CSMD3: variants seen among roughly 807,000 people sequenced by gnomAD.
The protein encoded by CSMD3 is CUB and sushi domain-containing protein 3.
CSMD3 carries 177 observed loss-of-function variants against 435.2 expected under a neutral mutation model. The observed-to-expected ratio is 0.41, with a 90% confidence interval of 0.36 to 0.46. The LOEUF is 0.46. Among genes scored for constraint, CSMD3 ranks in the 20% least tolerant of loss-of-function variants. The pLI is 0.34. For missense variants in CSMD3, 4,265 were observed against 4,504.6 expected, an observed-to-expected ratio of 0.95 and a Z score of 1.52; for synonymous variants, 1,656 against 1,520.5, an observed-to-expected ratio of 1.09 and a Z score of -2.07.
At chr8:112,476,338 G>A (rs1419151794) in intron 31 of CSMD3, among the ~76,000 whole-genome samples, 3 of 152,064 alleles carry the variant, frequency 2.0e-5, no homozygotes, top group Non-Finnish European at 4.4e-5. Flanking sequence ...GAGCCACCAC[G>A]CCCGGCCTAA....
chr8:113,164,331 T>C (rs1281907920), intron 4 of CSMD3, among the ~76,000 whole-genome samples: 2 of 151,598 alleles, frequency 1.3e-5, no homozygotes, highest in African/African-American at 2.4e-5. Flanking sequence ...CAAGTGGCCT[T>C]AATAATTTAG....
At chr8:112,898,270 G>A (rs1261830712) in intron 10 of CSMD3, among the ~76,000 whole-genome samples, 1 of 151,130 alleles carries the variant, frequency 6.6e-6, no homozygotes, top group African/African-American at 2.4e-5. Context: ...TCTTATGCCT[G>A]AATAATTCAG....
chr8:112,689,777 G>T, intron 14 of CSMD3, 91 bp downstream of exon 14: 1 of 1,085,248 alleles, frequency 9.2e-7, no homozygotes, highest in Non-Finnish European at 1.4e-6. Flanking sequence ...ATAATTACAC[G>T]GTTGCAGCTC....
At chr8:113,306,345 A>T (rs551254609) in intron 2 of CSMD3, among the ~76,000 whole-genome samples, 89 of 152,168 alleles carry the variant, frequency 5.8e-4, no homozygotes, top group African/African-American at 2.0e-3. Context: ...AGCTAATTGG[A>T]TTGAGTTATA....
At chr8:112,511,876 A>G (rs557735710) in intron 28 of CSMD3, among the ~76,000 whole-genome samples, 92 of 152,298 alleles carry the variant, frequency 6.0e-4, no homozygotes, top group Admixed American at 1.2e-3. Context: ...CATTTCAACA[A>G]TGTTCACAGC....
At chr8:112,566,565 C>T (rs956824746) in intron 24 of CSMD3, among the ~76,000 whole-genome samples, 7 of 151,978 alleles carry the variant, frequency 4.6e-5, no homozygotes, top group African/African-American at 7.2e-5. Flanking sequence ...TAATGAAAAG[C>T]GGCCACCAAA....
intron 1 of CSMD3, among the ~76,000 whole-genome samples, chr8:113,415,084 G>A (rs906086613): frequency 3.9e-5 from 6 of 152,212 alleles, no homozygotes; most frequent in African/African-American, 9.6e-5. Context: ...AAAAAATACC[G>A]AAGAAGCTAT....
intron 5 of CSMD3, among the ~76,000 whole-genome samples, chr8:113,097,608 C>T (rs1462987401): frequency 6.6e-6 from 1 of 151,922 alleles, no homozygotes; most frequent in African/African-American, 2.4e-5. Context: ...AACTAAATAC[C>T]AGTGTTGTGC....
At chr8:113,368,269 G>A (rs1054173733) in intron 1 of CSMD3, among the ~76,000 whole-genome samples, 2 of 152,164 alleles carry the variant, frequency 1.3e-5, no homozygotes, top group East Asian at 1.9e-4. Context: ...ACTCCCATGC[G>A]ATGTCAACCT....
intron 22 of CSMD3, among the ~76,000 whole-genome samples, chr8:112,615,167 A>G (rs116577051): frequency 0.021 from 3,216 of 152,240 alleles, 122 homozygotes; most frequent in African/African-American, 0.072. Flanking sequence ...TTGGAAAGTA[A>G]TAAAATCTCC....
intron 13 of CSMD3, among the ~76,000 whole-genome samples, chr8:112,709,299 G>C (rs79181937): frequency 6.6e-6 from 1 of 151,910 alleles, no homozygotes; most frequent in African/African-American, 2.4e-5. Context: ...TAACCAGTAC[G>C]ACTTTTATAT....
At chr8:113,119,113 C>T (rs2090916880) in intron 4 of CSMD3, among the ~76,000 whole-genome samples, 1 of 152,120 alleles carries the variant, frequency 6.6e-6, no homozygotes, top group Non-Finnish European at 1.5e-5. Context: ...AATAGGCTAC[C>T]TCTCACTCTG....
intron 13 of CSMD3, among the ~76,000 whole-genome samples, chr8:112,783,481 G>GGAAT (rs2078452245): frequency 9.5e-6 from 1 of 105,052 alleles, no homozygotes; most frequent in Non-Finnish European, 2.0e-5. Context: ...AAGGAAGGAA[G>GGAAT]GGAGAGAAGG....
At chr8:112,311,423 G>A (rs1821967478) in intron 49 of CSMD3, among the ~76,000 whole-genome samples, 1 of 152,154 alleles carries the variant, frequency 6.6e-6, no homozygotes. Flanking sequence ...GAATTGAAAT[G>A]TATTTTCTTA....
chr8:113,333,310 T>A (rs2094042488), intron 1 of CSMD3, among the ~76,000 whole-genome samples: 1 of 151,828 alleles, frequency 6.6e-6, no homozygotes, highest in African/African-American at 2.4e-5. Context: ...CACTTTGTCC[T>A]GTTATGGATC....
chr8:113,163,708 T>C (rs1017920907), intron 4 of CSMD3, among the ~76,000 whole-genome samples: 5 of 152,098 alleles, frequency 3.3e-5, no homozygotes, highest in African/African-American at 1.2e-4. Flanking sequence ...TGAAAATATA[T>C]AAAAATTGGG....
intron 15 of CSMD3, among the ~76,000 whole-genome samples, chr8:112,684,430 C>T (rs2075968516): frequency 6.6e-6 from 1 of 151,972 alleles, no homozygotes; most frequent in Non-Finnish European, 1.5e-5. Flanking sequence ...GTGTGAAATT[C>T]TTTTTATAAA....
At chr8:112,651,654 C>A (rs187787025) in intron 18 of CSMD3, among the ~76,000 whole-genome samples, 1 of 152,006 alleles carries the variant, frequency 6.6e-6, no homozygotes, top group African/African-American at 2.4e-5. Flanking sequence ...TCTCCTGCCT[C>A]AGCCTCCCGA....
intron 61 of CSMD3, chr8:112,255,635 C>T (rs1043857860): frequency 5.4e-6 from 3 of 551,018 alleles, no homozygotes; most frequent in East Asian, 3.0e-5. Context: ...AAAATTAGCT[C>T]GATTTCGATG....
Sources: gnomAD v4.1 joint callset for allele counts (sites outside exome capture counted in the v4.1 genomes callset) on GRCh38, gnomAD v4.1.1 for gene constraint, MANE v1.5 for transcripts, NCBI Gene and HGNC (gene_info 2026-07-23, HGNC 2026-07-21) for gene names.